Variants in RNF8 observed in about 807,000 individuals in gnomAD.
RNF8 encodes ring finger protein 8, also known as E3 ubiquitin-protein ligase RNF8.
In RNF8, 8 loss-of-function variants were observed where a neutral mutation model predicts 59.3. The ratio of observed to expected loss-of-function variants is 0.13; its 90% CI spans 0.08 to 0.24. The LOEUF (loss-of-function observed/expected upper bound fraction) is 0.24. Among genes scored for constraint, RNF8 ranks in the 10% least tolerant of loss-of-function variants. The probability of loss-of-function intolerance (pLI) is 1.00; values close to 1 mark genes in which losing one functional copy is unlikely to be tolerated. For synonymous variants in RNF8, 162 were observed against 200.0 expected (o/e 0.81, Z 1.60); for missense variants, 406 against 572.6 (o/e 0.71, Z 2.97).
Position 37,392,544 on chromosome 6 carries a change from T to C in RNF8, c.*1786T>C. The C allele has an allele frequency of 2.5e-6, 1 of 398,640 alleles. No homozygotes were observed. The highest frequency in any genetic ancestry group is 4.4e-6 in the Non-Finnish European group (1 of 226,054). The allele number at this position is 398,640 out of a possible 1,614,324, so 24.7% of individuals were successfully genotyped here. On this transcript the variant is annotated 3_prime_UTR_variant, in exon 8 of 8. Coordinates refer to ENST00000373479, the MANE Select transcript of RNF8 (RefSeq NM_003958.4). ...ACAAGCAAAAACACATGTGGTCTTT[T>C]TCCTTGCTTTGCACAAATGGTAAAC...
intron 7 of RNF8, among the ~76,000 whole-genome samples, chr6:37,385,854 C>CTT (rs1770471638): frequency 1.4e-5 from 2 of 141,716 alleles, no homozygotes; most frequent in African/African-American, 5.7e-5. Flanking sequence ...TTTCCTTTGT[C>CTT]ATTTTTTTTT....
chr6:37,376,664 A>G (rs933264369), intron 5 of RNF8, among the ~76,000 whole-genome samples: 7 of 152,236 alleles, frequency 4.6e-5, no homozygotes, highest in Non-Finnish European at 7.3e-5. Flanking sequence ...ATAAGTTTCA[A>G]CATGGGAATT....
intron 7 of RNF8, among the ~76,000 whole-genome samples, chr6:37,382,838 C>T (rs1056339710): frequency 8.6e-5 from 13 of 152,046 alleles, no homozygotes; most frequent in African/African-American, 2.9e-4. Flanking sequence ...ATTAGCCGGG[C>T]GTGGTGGCGC....
At chr6:37,362,509 T>C (rs1769365020) in intron 2 of RNF8, among the ~76,000 whole-genome samples, 1 of 70,634 alleles carries the variant, frequency 1.4e-5, no homozygotes, top group African/African-American at 6.0e-5. Context: ...GTTTGTGAGA[T>C]AACTGATTTA....
At chr6:37,367,645 C>T (rs181215042) in intron 2 of RNF8, among the ~76,000 whole-genome samples, 1 of 152,296 alleles carries the variant, frequency 6.6e-6, no homozygotes, top group African/African-American at 2.4e-5. Flanking sequence ...CTCAAGTGAT[C>T]CGCACACCTC....
intron 1 of RNF8, chr6:37,359,093 C>CA: frequency 1.0e-5 from 4 of 395,568 alleles, no homozygotes; most frequent in Admixed American, 3.2e-5. Flanking sequence ...AAGACTCTCT[C>CA]AAAAAAACAA....
rs1344550494 is a variant in RNF8, at chr6:37,392,134, G to A, written c.*1376G>A. 1.8e-5 allele frequency: 4 copies of A among 221,654 alleles called. No individual in the cohort carries two copies. Among genetic ancestry groups the A allele is most frequent in the Non-Finnish European group, 2.6e-5 (3 of 114,662 alleles). The allele number at this position is 221,654 out of a possible 1,614,324, so 13.7% of individuals were successfully genotyped here. A position where few individuals can be genotyped will look rare whatever the true frequency, so the allele number is the denominator to read the frequency against. On this transcript the variant is annotated 3_prime_UTR_variant, in exon 8 of 8. Coordinates refer to ENST00000373479, the MANE Select transcript of RNF8 (RefSeq NM_003958.4). ...ACTGGTAGAGTCATGGAGGAAGTAA[G>A]TTAAATGTGGAAAAAATGCTTTAAA...
intron 2 of RNF8, among the ~76,000 whole-genome samples, chr6:37,363,184 G>A (rs372127480): frequency 3.3e-5 from 5 of 152,108 alleles, no homozygotes; most frequent in East Asian, 1.9e-4. Context: ...GTACTCTTAC[G>A]TGAACAAAGT....
intron 1 of RNF8, among the ~76,000 whole-genome samples, chr6:37,354,563 G>A (rs905163200): frequency 6.6e-6 from 1 of 152,264 alleles, no homozygotes; most frequent in East Asian, 1.9e-4. Context: ...GCCCGGGGGG[G>A]CCACAAGGGT....
chr6:37,363,372 A>G (rs1443724854), intron 2 of RNF8, among the ~76,000 whole-genome samples: 1 of 152,232 alleles, frequency 6.6e-6, no homozygotes, highest in Non-Finnish European at 1.5e-5. Flanking sequence ...ACTCAGAGGA[A>G]GATGTTTGCT....
intron 6 of RNF8, among the ~76,000 whole-genome samples, chr6:37,380,146 G>A (rs888618400): frequency 6.6e-6 from 1 of 151,852 alleles, no homozygotes. Flanking sequence ...CAAATTCCTG[G>A]GCTCAAGCAG....
chr6:37,379,690 T>A (rs968802581), intron 6 of RNF8, among the ~76,000 whole-genome samples: 19 of 152,228 alleles, frequency 1.2e-4, no homozygotes, highest in African/African-American at 4.6e-4. Context: ...TTTTTACTTT[T>A]TTAGTTTCTT....
intron 2 of RNF8, among the ~76,000 whole-genome samples, chr6:37,363,303 T>C (rs1010476734): frequency 3.9e-5 from 6 of 152,298 alleles, no homozygotes; most frequent in Admixed American, 3.9e-4. Flanking sequence ...AAAATACTGA[T>C]GGTAGTACAA....
rs1224333752 is a variant in RNF8, at chr6:37,390,992, T to C, written c.*234T>C. 6.4e-6 allele frequency: 4 copies of C among 626,030 alleles called. No individual in the cohort carries two copies. The highest frequency in any genetic ancestry group is 8.6e-6 in the Non-Finnish European group (3 of 350,854). 38.8% of individuals were successfully genotyped at this position (626,030 alleles called of 1,614,324 possible). ...ACGGCACCCAACTGCTTCAGGGTAC[T>C]TCGTAGACTCTGCCTCACTACATGT... is the stretch of plus-strand genomic sequence containing the variant. On this transcript the variant is annotated 3_prime_UTR_variant, in exon 8 of 8. Transcript: ENST00000373479.
chr6:37,364,461 G>C (rs995645330), intron 2 of RNF8, among the ~76,000 whole-genome samples: 9 of 152,134 alleles, frequency 5.9e-5, no homozygotes, highest in Admixed American at 2.6e-4. Flanking sequence ...TTTATGATTT[G>C]TGCACGTTTA....
At chr6:37,385,972 C>T (rs2113834530) in intron 7 of RNF8, among the ~76,000 whole-genome samples, 1 of 151,472 alleles carries the variant, frequency 6.6e-6, no homozygotes, top group South Asian at 2.1e-4. Context: ...GTAGCTGGGA[C>T]CACAGGCATG....
Position 37,371,489 on chromosome 6 carries a change from T to A in RNF8, c.976-23T>A, listed in dbSNP as rs372634953. 1.3e-3 allele frequency: 2,072 copies of A among 1,609,786 alleles called. 7 individuals carry two copies. Among genetic ancestry groups the A allele is most frequent in the Non-Finnish European group, 1.6e-3 (1,905 of 1,176,636 alleles). ...TTTTCTTTTCCCTGCAGAGAAACCT[T>A]CCATTTTGTTTTGGCTTTGCAGGGT... On this transcript the variant is annotated intron_variant, in intron 3 of 7. Transcript: ENST00000373479.
chr6:37,381,405 C>A, intron 7 of RNF8, 51 bp downstream of exon 7: 3 of 1,467,346 alleles, frequency 2.0e-6, no homozygotes, highest in South Asian at 1.2e-5. Flanking sequence ...TATTTACTTC[C>A]AAACTTCAAC....
At chr6:37,388,522 G>C (rs9470572) in intron 7 of RNF8, among the ~76,000 whole-genome samples, 8,681 of 152,166 alleles carry the variant, frequency 0.057, 804 homozygotes, top group African/African-American at 0.19. Context: ...GTGGTATTAA[G>C]AGCCAAAGGG....
Sources: gnomAD v4.1 joint callset for allele counts (sites outside exome capture counted in the v4.1 genomes callset) on GRCh38, gnomAD v4.1.1 for gene constraint, MANE v1.5 for transcripts, NCBI Gene and HGNC (gene_info 2026-07-23, HGNC 2026-07-21) for gene names.